TBC1D22A: variants seen among roughly 807,000 people sequenced by gnomAD.
The protein encoded by TBC1D22A is TBC1 domain family member 22A.
A neutral mutation model predicts 60.2 loss-of-function variants in TBC1D22A; 38 were observed. The ratio of observed to expected loss-of-function variants is 0.63; its 90% CI spans 0.49 to 0.83. The LOEUF (loss-of-function observed/expected upper bound fraction) is 0.83, where lower values mean the gene tolerates loss of function less well. Ranked by LOEUF, TBC1D22A falls within the 40% of genes least tolerant of loss-of-function variation. The pLI, the probability that TBC1D22A is intolerant of heterozygous loss-of-function variation, is 0.00. For synonymous variants in TBC1D22A, 302 were observed against 281.7 expected (o/e 1.07, Z -0.72); for missense variants, 628 against 701.0 (o/e 0.90, Z 1.18).
At chr22:47,125,172 C>T (rs570142359) in intron 12 of TBC1D22A, among the ~76,000 whole-genome samples, 2 of 152,310 alleles carry the variant, frequency 1.3e-5, no homozygotes, top group East Asian at 3.9e-4. Flanking sequence ...AGTCCCCAGG[C>T]TCCGGCAAGA....
chr22:46,866,359 C>A (rs1349068041), intron 4 of TBC1D22A, among the ~76,000 whole-genome samples: 3 of 152,174 alleles, frequency 2.0e-5, no homozygotes, highest in Non-Finnish European at 4.4e-5. Context: ...CCCACCGCAG[C>A]CTCCCAAAGT....
chr22:46,957,540 C>G (rs535510297), intron 8 of TBC1D22A, among the ~76,000 whole-genome samples: 1 of 152,180 alleles, frequency 6.6e-6, no homozygotes, highest in East Asian at 1.9e-4. Context: ...GACTGCCCCC[C>G]GATTCAATCA....
chr22:46,791,444 C>T (rs2084401740), intron 1 of TBC1D22A, among the ~76,000 whole-genome samples: 1 of 152,212 alleles, frequency 6.6e-6, no homozygotes, highest in Non-Finnish European at 1.5e-5. Context: ...CATCTTCACT[C>T]ACGCACGATG....
At chr22:47,148,760 T>C (rs28521790) in intron 12 of TBC1D22A, among the ~76,000 whole-genome samples, 6,118 of 146,028 alleles carry the variant, frequency 0.042, 347 homozygotes, top group African/African-American at 0.13. Flanking sequence ...CTCTGGGTTC[T>C]TCTCCTGGGG....
At chr22:47,034,568 C>G (rs546544332) in intron 10 of TBC1D22A, among the ~76,000 whole-genome samples, 37 of 152,366 alleles carry the variant, frequency 2.4e-4, no homozygotes, top group African/African-American at 8.9e-4. Context: ...CCACTGCACC[C>G]TGGCATCAGG....
chr22:47,140,550 T>A, intron 12 of TBC1D22A, among the ~76,000 whole-genome samples: 1 of 138,724 alleles, frequency 7.2e-6, no homozygotes, highest in Non-Finnish European at 1.5e-5. Context: ...TGAGACTCTG[T>A]CTCAAAAAAA....
intron 1 of TBC1D22A, among the ~76,000 whole-genome samples, chr22:46,773,128 G>C (rs1160793974): frequency 6.6e-6 from 1 of 152,154 alleles, no homozygotes; most frequent in Non-Finnish European, 1.5e-5. Context: ...TCTCTGGCAG[G>C]CTCAGCATCT....
At chr22:46,931,522 G>A (rs1168989380) in intron 8 of TBC1D22A, among the ~76,000 whole-genome samples, 1 of 152,162 alleles carries the variant, frequency 6.6e-6, no homozygotes, top group Non-Finnish European at 1.5e-5. Flanking sequence ...AGGAACTTGA[G>A]TAATTCAAAC....
chr22:47,161,877 G>A (rs1455723828), intron 12 of TBC1D22A, among the ~76,000 whole-genome samples: 1 of 152,262 alleles, frequency 6.6e-6, no homozygotes, highest in Non-Finnish European at 1.5e-5. Flanking sequence ...GGATAACTGA[G>A]CCAGCCCCAG....
intron 12 of TBC1D22A, among the ~76,000 whole-genome samples, chr22:47,132,850 A>G (rs1483481600): frequency 6.6e-6 from 1 of 152,242 alleles, no homozygotes; most frequent in African/African-American, 2.4e-5. Flanking sequence ...CATGTGATCT[A>G]AATGGCACCT....
rs562929576 is a variant in TBC1D22A, at chr22:47,129,303, C to G, written c.1425+17700C>G. On this transcript the variant is annotated intron_variant, in intron 12 of 12. Transcript: ENST00000337137. ...ACCATCCCAGCCAACATGGTGAAAC[C>G]CTGTCTCTACTAAAAATACAAAAAT... is the stretch of plus-strand genomic sequence containing the variant. Among the ~76,000 whole-genome samples the G allele has an allele frequency of 1.3e-4, 20 of 152,290 alleles. No homozygotes were observed. The South Asian group carries it at 3.9e-3, about 30-fold the overall frequency.
At position 47,037,289 on chromosome 22, in the gene TBC1D22A, C is replaced by T. The variant is rs575149382; in HGVS notation, c.1329+91C>T. On this transcript the variant is annotated intron_variant, in intron 11 of 12. Transcript: ENST00000337137. ...CTGCCCTGGGCCTGTGTGCTGCATT[C>T]GATTTTTTCTTCCAAGCGCTCTCTC... The T allele has an allele frequency of 6.3e-4, 963 of 1,539,994 alleles. 1 individual carries two copies. The highest frequency in any genetic ancestry group is 2.7e-3 in the South Asian group (237 of 87,726).
intron 12 of TBC1D22A, among the ~76,000 whole-genome samples, chr22:47,145,787 A>G (rs1258661587): frequency 6.6e-6 from 1 of 152,200 alleles, no homozygotes; most frequent in Non-Finnish European, 1.5e-5. Flanking sequence ...AGGTTTCCAC[A>G]TTGTGTAACC....
chr22:46,809,834 G>C (rs1339677947), intron 4 of TBC1D22A, among the ~76,000 whole-genome samples: 1 of 152,032 alleles, frequency 6.6e-6, no homozygotes, highest in African/African-American at 2.4e-5. Context: ...TCCCCACCCA[G>C]ATTTTCCACT....
chr22:46,924,478 C>G (rs974486145), intron 8 of TBC1D22A, among the ~76,000 whole-genome samples: 1 of 152,054 alleles, frequency 6.6e-6, no homozygotes, highest in Non-Finnish European at 1.5e-5. Flanking sequence ...TTTATTTTGC[C>G]GGGTGCGGTG....
intron 10 of TBC1D22A, among the ~76,000 whole-genome samples, chr22:47,034,119 T>A (rs899877986): frequency 4.3e-5 from 6 of 138,840 alleles, no homozygotes; most frequent in Non-Finnish European, 8.9e-5. Flanking sequence ...GGTAGTGAAA[T>A]TAGTTTTATT....
chr22:47,118,883 G>A (rs2066170406), intron 12 of TBC1D22A, among the ~76,000 whole-genome samples: 1 of 152,150 alleles, frequency 6.6e-6, no homozygotes. Flanking sequence ...CAGGTGCGGT[G>A]GCTCACGCCT....
chr22:46,912,235 G>T (rs926385658), intron 8 of TBC1D22A, 47 bp downstream of exon 8: 5 of 1,349,102 alleles, frequency 3.7e-6, no homozygotes, highest in Non-Finnish European at 5.3e-6. Context: ...TGGACTTGCT[G>T]TGTGTTACTA....
chr22:47,065,224 CTGACCTCATG>C (rs1373166199), intron 11 of TBC1D22A, among the ~76,000 whole-genome samples: 9 of 152,240 alleles, frequency 5.9e-5, no homozygotes, highest in African/African-American at 2.2e-4. Flanking sequence ...TCTCAATCTT[CTGACCTCATG>C]ATCCGCCCAC....
Sources: allele counts gnomAD v4.1 joint callset (sites outside exome capture counted in the v4.1 genomes callset), GRCh38; gene constraint gnomAD v4.1.1; transcripts MANE v1.5; gene names NCBI Gene and HGNC (gene_info 2026-07-23, HGNC 2026-07-21).